Variants in B3GLCT observed in about 807,000 individuals in gnomAD.
The protein encoded by B3GLCT is beta 3-glucosyltransferase, also known as beta-1,3-glucosyltransferase.
Under a neutral mutation model 63.4 loss-of-function variants are expected in B3GLCT, and 65 were observed. The observed-to-expected ratio is 1.03, with a 90% CI of 0.84 to 1.26. The LOEUF is 1.26. Among genes scored for constraint, B3GLCT ranks in the 50% most tolerant of loss-of-function variants. The probability of loss-of-function intolerance (pLI) is 0.00; values close to 1 mark genes in which losing one functional copy is unlikely to be tolerated. For synonymous variants in B3GLCT, 233 were observed against 219.2 expected, an observed-to-expected ratio of 1.06 and a Z score of -0.55; for missense variants, 577 against 604.8, an observed-to-expected ratio of 0.95 and a Z score of 0.48.
chr13:31,204,482 A>T (rs988054340), intron 1 of B3GLCT, among the ~76,000 whole-genome samples: 8 of 152,172 alleles, frequency 5.3e-5, no homozygotes, highest in Admixed American at 3.3e-4. Flanking sequence ...GGGAAGCAGA[A>T]ATCAGGTAAG....
chr13:31,211,758 T>C (rs539675054), intron 1 of B3GLCT, among the ~76,000 whole-genome samples: 1 of 152,242 alleles, frequency 6.6e-6, no homozygotes, highest in African/African-American at 2.4e-5. Context: ...ATATCTTTCC[T>C]GTATGTAATT....
At chr13:31,245,892 CTCTT>C in intron 4 of B3GLCT, among the ~76,000 whole-genome samples, 1 of 152,126 alleles carries the variant, frequency 6.6e-6, no homozygotes, top group Non-Finnish European at 1.5e-5. Flanking sequence ...TTAAGGTTTG[CTCTT>C]TCTAACATAC....
intron 11 of B3GLCT, among the ~76,000 whole-genome samples, chr13:31,286,008 G>A (rs1286174101): frequency 6.6e-6 from 1 of 152,242 alleles, no homozygotes; most frequent in East Asian, 1.9e-4. Context: ...TGGTTTAATA[G>A]TCATTAATAT....
intron 11 of B3GLCT, 136 bp downstream of exon 11, chr13:31,284,897 GA>G (rs1267753746): frequency 6.0e-6 from 4 of 670,220 alleles, no homozygotes; most frequent in Non-Finnish European, 1.1e-5. Flanking sequence ...CCTTCTCTCA[GA>G]TACTGATTGG....
intron 10 of B3GLCT, among the ~76,000 whole-genome samples, chr13:31,284,374 C>T (rs1873213833): frequency 6.6e-6 from 1 of 152,136 alleles, no homozygotes; most frequent in Admixed American, 6.5e-5. Flanking sequence ...ATAGCATAAT[C>T]AAACCAGAAA....
At chr13:31,226,043 G>A (rs1328681291) in intron 3 of B3GLCT, among the ~76,000 whole-genome samples, 2 of 152,222 alleles carry the variant, frequency 1.3e-5, no homozygotes, top group Admixed American at 1.3e-4. Flanking sequence ...CAGGCTGTGG[G>A]CTCTGTGGTG....
chr13:31,229,660 C>T (rs1259945345), intron 4 of B3GLCT, among the ~76,000 whole-genome samples: 1 of 151,546 alleles, frequency 6.6e-6, no homozygotes, highest in Non-Finnish European at 1.5e-5. Flanking sequence ...GCAGAAGAAT[C>T]GCTTGAACCC....
intron 2 of B3GLCT, among the ~76,000 whole-genome samples, chr13:31,218,186 ACT>A (rs1491259202): frequency 1.6e-5 from 2 of 127,470 alleles, no homozygotes; most frequent in African/African-American, 6.1e-5. Context: ...TTTTGTGGCT[ACT>A]TTTTTTTTTT....
intron 12 of B3GLCT, among the ~76,000 whole-genome samples, chr13:31,289,134 C>T (rs1381119952): frequency 6.6e-6 from 1 of 151,614 alleles, no homozygotes; most frequent in African/African-American, 2.4e-5. Context: ...ATAGACTAGA[C>T]CAAGCAGAAG....
At chr13:31,222,916 T>C in intron 2 of B3GLCT, 36 bp from the exon 3 acceptor site, 1 of 1,394,754 alleles carries the variant, frequency 7.2e-7, no homozygotes, top group Non-Finnish European at 1.0e-6. Flanking sequence ...TGTTATGTAC[T>C]GAGATTCATC....
intron 12 of B3GLCT, chr13:31,312,861 G>A (rs1034693904): frequency 6.6e-6 from 1 of 152,236 alleles, no homozygotes; most frequent in East Asian, 1.9e-4. Context: ...CAAACTTCTT[G>A]TAGAGAACAG....
At chr13:31,242,276 C>T (rs1870992229) in intron 4 of B3GLCT, among the ~76,000 whole-genome samples, 1 of 152,152 alleles carries the variant, frequency 6.6e-6, no homozygotes, top group Admixed American at 6.5e-5. Context: ...TCATATAGCT[C>T]TGTTCTTATG....
At chr13:31,225,966 C>T (rs1444174752) in intron 3 of B3GLCT, among the ~76,000 whole-genome samples, 1 of 152,208 alleles carries the variant, frequency 6.6e-6, no homozygotes, top group Non-Finnish European at 1.5e-5. Flanking sequence ...TGTACCCCGC[C>T]GTGCTCCTTT....
At position 31,323,407 on chromosome 13, in the gene B3GLCT, G is replaced by T. The variant is rs565777748; in HGVS notation, c.1185-344G>T. On this transcript the variant is annotated intron_variant, in intron 13 of 14. Transcript: ENST00000343307. ...CTTAAAGAAAGTCTTTGATGATTGA[G>T]ACTGAACTTATGAACCATATTGTTT... is the stretch of plus-strand genomic sequence containing the variant. Among the ~76,000 whole-genome samples the T allele has an allele frequency of 7.2e-5, 11 of 152,356 alleles. No individual in the cohort carries two copies. In the South Asian group the frequency reaches 2.3e-3, roughly 32 times the overall value.
At chr13:31,317,779 C>A in intron 13 of B3GLCT, 94 bp downstream of exon 13, 1 of 1,467,270 alleles carries the variant, frequency 6.8e-7, no homozygotes, top group Non-Finnish European at 9.5e-7. Context: ...CTATACTGTA[C>A]GTGAGTACTC....
Position 31,261,125 on chromosome 13 carries a change from G to T in B3GLCT, c.596+43G>T, listed in dbSNP as rs575326980. 2.3e-5 allele frequency: 37 copies of T among 1,575,950 alleles called. No individual in the cohort carries two copies. The East Asian group carries it at 7.4e-4, about 31-fold the overall frequency. Reference sequence around the variant, plus strand: ...TTTTTTCGGGGGGCGGGAGGGGTGTGCATCAACTTTAATTTCATTGAGTAC... The same window carrying T: ...TTTTTTCGGGGGGCGGGAGGGGTGTTCATCAACTTTAATTTCATTGAGTAC... On this transcript the variant is annotated intron_variant, in intron 7 of 14. Coordinates refer to ENST00000343307, the MANE Select transcript of B3GLCT (RefSeq NM_194318.4).
At chr13:31,312,035 C>T (rs1874737137) in intron 12 of B3GLCT, among the ~76,000 whole-genome samples, 1 of 152,102 alleles carries the variant, frequency 6.6e-6, no homozygotes, top group Non-Finnish European at 1.5e-5. Flanking sequence ...GCAGGCAGTC[C>T]CTCAATCTTG....
chr13:31,223,056 C>A, intron 3 of B3GLCT, 65 bp downstream of exon 3: 1 of 1,075,034 alleles, frequency 9.3e-7, no homozygotes, highest in Non-Finnish European at 1.4e-6. Context: ...ATTATATTTC[C>A]ATGAAGTGAT....
chr13:31,206,469 A>G (rs1593242854), intron 1 of B3GLCT, among the ~76,000 whole-genome samples: 1 of 148,634 alleles, frequency 6.7e-6, no homozygotes, highest in Non-Finnish European at 1.5e-5. Flanking sequence ...GCCCGGGCGC[A>G]GTGGCTCACG....
Sources: gnomAD v4.1 joint callset for allele counts (sites outside exome capture counted in the v4.1 genomes callset) on GRCh38, gnomAD v4.1.1 for gene constraint, MANE v1.5 for transcripts, NCBI Gene and HGNC (gene_info 2026-07-23, HGNC 2026-07-21) for gene names.